The following ARL13B variants were observed in gnomAD, a reference collection of about 807,000 sequenced individuals.
The protein encoded by ARL13B is ARF like GTPase 13B.
Under a neutral mutation model 56.1 loss-of-function variants are expected in ARL13B, and 36 were observed. The ratio of observed to expected loss-of-function variants is 0.64; its 90% CI spans 0.49 to 0.85. The LOEUF (loss-of-function observed/expected upper bound fraction) is 0.85. ARL13B is among the 40% of genes least tolerant of loss of function. The probability of loss-of-function intolerance (pLI) is 0.00; values close to 1 mark genes in which losing one functional copy is unlikely to be tolerated. For synonymous variants in ARL13B, 178 were observed against 171.1 expected, an observed-to-expected ratio of 1.04 and a Z score of -0.32; for missense variants, 519 against 507.1, an observed-to-expected ratio of 1.02 and a Z score of -0.23.
rs189563874 is a variant in ARL13B, at chr3:94,000,854, G to A, written c.131-2805G>A. Reference sequence around the variant, plus strand: ...ACTGAAATTCTCAATTGGAGACCATGTATCTTTGTATTCCTGGTTCTTGTA... The same window carrying A: ...ACTGAAATTCTCAATTGGAGACCATATATCTTTGTATTCCTGGTTCTTGTA... On this transcript the variant is annotated intron_variant, in intron 2 of 9. Coordinates refer to ENST00000394222, the MANE Select transcript of ARL13B (RefSeq NM_001174150.2). Among the ~76,000 whole-genome samples the A allele has an allele frequency of 9.9e-5, 15 of 152,250 alleles. No homozygotes were observed. The East Asian group carries it at 2.7e-3, about 27-fold the overall frequency.
intron 3 of ARL13B, among the ~76,000 whole-genome samples, chr3:94,010,712 G>A (rs1456110019): frequency 4.6e-5 from 7 of 151,910 alleles, no homozygotes; most frequent in East Asian, 1.9e-4. Flanking sequence ...CAATGAAAAC[G>A]GTTTCTGATA....
intron 3 of ARL13B, among the ~76,000 whole-genome samples, chr3:94,029,085 A>G (rs1348966195): frequency 1.3e-5 from 2 of 151,358 alleles, no homozygotes; most frequent in African/African-American, 4.8e-5. Context: ...TTTAAAATAA[A>G]TTTTATATAG....
intron 3 of ARL13B, among the ~76,000 whole-genome samples, chr3:94,029,623 G>C (rs1382672936): frequency 6.6e-6 from 1 of 151,636 alleles, no homozygotes; most frequent in Non-Finnish European, 1.5e-5. Flanking sequence ...TTACAGATGT[G>C]AACCACCATG....
chr3:94,039,830 G>A, intron 5 of ARL13B, 50 bp from the exon 6 acceptor site: 1 of 1,534,736 alleles, frequency 6.5e-7, no homozygotes, highest in Admixed American at 1.8e-5. Flanking sequence ...CTTTAACATG[G>A]TTCAGCACTT....
At chr3:93,993,399 T>C (rs1575937867) in intron 1 of ARL13B, among the ~76,000 whole-genome samples, 1 of 152,128 alleles carries the variant, frequency 6.6e-6, no homozygotes, top group East Asian at 1.9e-4. Context: ...AGTGCTGGGA[T>C]TACAGGCGTG....
chr3:94,054,636 TA>T lies in ARL13B; in HGVS notation c.*1374del, dbSNP rs1395141516. ...TTTTATGTCGTTTAATATAATTATT[TA>T]CTTTAAAAATTGTACTTCAGAACAT... On this transcript the variant is annotated 3_prime_UTR_variant, in exon 10 of 10. Coordinates refer to ENST00000394222, the MANE Select transcript of ARL13B (RefSeq NM_001174150.2). The T allele has an allele frequency of 2.6e-6, 1 of 377,520 alleles. No homozygotes were observed. Among genetic ancestry groups the T allele is most frequent in the East Asian group, 7.7e-5 (1 of 13,016 alleles). The allele number at this position is 377,520 out of a possible 1,614,324, so 23.4% of individuals were successfully genotyped here.
At chr3:93,991,154 T>A (rs1451144741) in intron 1 of ARL13B, among the ~76,000 whole-genome samples, 1 of 152,200 alleles carries the variant, frequency 6.6e-6, no homozygotes, top group Non-Finnish European at 1.5e-5. Context: ...GACCAAATGA[T>A]TAAATGATTG....
At chr3:94,046,139 T>C (rs1477146943) in intron 7 of ARL13B, among the ~76,000 whole-genome samples, 1 of 151,820 alleles carries the variant, frequency 6.6e-6, no homozygotes, top group African/African-American at 2.4e-5. Context: ...TACAACAAAC[T>C]GCACATATTT....
At chr3:93,991,653 G>C (rs1392369060) in intron 1 of ARL13B, among the ~76,000 whole-genome samples, 1 of 152,180 alleles carries the variant, frequency 6.6e-6, no homozygotes, top group Non-Finnish European at 1.5e-5. Context: ...CTACAGGTGT[G>C]AGCCACCATG....
At chr3:94,030,866 A>C (rs1040358867) in intron 3 of ARL13B, among the ~76,000 whole-genome samples, 1 of 152,130 alleles carries the variant, frequency 6.6e-6, no homozygotes, top group Non-Finnish European at 1.5e-5. Context: ...TTTTCAGCAT[A>C]AGTAAAAAGA....
intron 2 of ARL13B, among the ~76,000 whole-genome samples, chr3:94,001,534 C>T (rs1206955377): frequency 6.6e-6 from 1 of 152,150 alleles, no homozygotes; most frequent in Non-Finnish European, 1.5e-5. Flanking sequence ...ACTTGCCCCT[C>T]CCTTTTTCAC....
intron 3 of ARL13B, among the ~76,000 whole-genome samples, chr3:94,029,473 A>C (rs951387253): frequency 1.5e-4 from 23 of 149,804 alleles, no homozygotes; most frequent in African/African-American, 5.4e-4. Context: ...TGAGCCCCAT[A>C]AGTAGCTGGG....
chr3:93,991,435 A>G (rs2075873292), intron 1 of ARL13B, among the ~76,000 whole-genome samples: 2 of 152,292 alleles, frequency 1.3e-5, no homozygotes, highest in South Asian at 2.1e-4. Flanking sequence ...GCTTCAGTGC[A>G]GTGGTGCAGT....
chr3:93,989,496 G>A (rs1265959200), intron 1 of ARL13B, among the ~76,000 whole-genome samples: 1 of 152,096 alleles, frequency 6.6e-6, no homozygotes, highest in African/African-American at 2.4e-5. Context: ...AGAAGTGGGG[G>A]CTGCCAAATT....
At chr3:94,050,720 A>G in intron 8 of ARL13B, 104 bp from the exon 9 acceptor site, 1 of 907,188 alleles carries the variant, frequency 1.1e-6, no homozygotes, top group Non-Finnish European at 1.7e-6. Flanking sequence ...ATTTGAATTG[A>G]CATTGAATGT....
chr3:93,988,407 G>A (rs1347620309), intron 1 of ARL13B, among the ~76,000 whole-genome samples: 3 of 152,178 alleles, frequency 2.0e-5, no homozygotes, highest in Non-Finnish European at 4.4e-5. Flanking sequence ...AAAACTTCCT[G>A]TAATTCAATA....
Position 94,029,347 on chromosome 3 carries a change from T to A in ARL13B, c.381-5984T>A, listed in dbSNP as rs1294344459. Among the ~76,000 whole-genome samples, 20 of 106,432 alleles carry A rather than the reference T, an allele frequency of 1.9e-4. 1 individual carries two copies. The highest frequency in any genetic ancestry group is 1.9e-3 in the East Asian group (8 of 4,286). The allele number at this position is 106,432 out of a possible 152,430, so 69.8% of individuals were successfully genotyped here. A position where few individuals can be genotyped will look rare whatever the true frequency, so the allele number is the denominator to read the frequency against. On this transcript the variant is annotated intron_variant, in intron 3 of 9. Transcript: ENST00000394222. Reference sequence around the variant, plus strand: ...ATATATATATATATTTATTTTTTTTTTATTTTTTTTTTTTTTTGAGAAGGA... The same window carrying A: ...ATATATATATATATTTATTTTTTTTATATTTTTTTTTTTTTTTGAGAAGGA...
At chr3:94,012,192 T>G (rs1428955475) in intron 3 of ARL13B, among the ~76,000 whole-genome samples, 4 of 152,100 alleles carry the variant, frequency 2.6e-5, no homozygotes, top group Non-Finnish European at 5.9e-5. Flanking sequence ...CATACCACCT[T>G]ACATAGCATT....
intron 3 of ARL13B, among the ~76,000 whole-genome samples, chr3:94,026,120 C>A (rs1341596319): frequency 2.6e-5 from 4 of 151,504 alleles, no homozygotes; most frequent in African/African-American, 9.7e-5. Flanking sequence ...TCCGGGTTCA[C>A]GCCATTCTCC....
Sources: gnomAD v4.1 joint callset for allele counts (sites outside exome capture counted in the v4.1 genomes callset) on GRCh38, gnomAD v4.1.1 for gene constraint, MANE v1.5 for transcripts, NCBI Gene and HGNC (gene_info 2026-07-23, HGNC 2026-07-21) for gene names.